SGMS2: variants seen among roughly 807,000 people sequenced by gnomAD.
The protein encoded by SGMS2 is phosphatidylcholine:ceramide cholinephosphotransferase 2.
SGMS2 carries 21 observed loss-of-function variants against 43.8 expected under a neutral mutation model. The observed-to-expected ratio is 0.48, with a 90% CI of 0.34 to 0.69. The LOEUF is 0.69. Ranked by LOEUF, SGMS2 falls within the 30% of genes least tolerant of loss-of-function variation. The pLI, the probability that SGMS2 is intolerant of heterozygous loss-of-function variation, is 0.01. For missense variants in SGMS2, 384 were observed against 443.2 expected (o/e 0.87, Z 1.20); for synonymous variants, 167 against 160.6 (o/e 1.04, Z -0.30).
chr4:107,900,036 C>T (rs937235479), intron 4 of SGMS2, among the ~76,000 whole-genome samples: 6 of 151,954 alleles, frequency 3.9e-5, no homozygotes, highest in African/African-American at 7.3e-5. Context: ...TCTTCTGGAG[C>T]TTATATTCTA....
In SGMS2 at chr4:107,895,639, A is replaced by G; in HGVS notation, c.86A>G (p.Glu29Gly). 5 of 1,614,052 alleles carry G rather than the reference A, an allele frequency of 3.1e-6. No individual in the cohort carries two copies. The highest frequency in any genetic ancestry group is 4.2e-6 in the Non-Finnish European group (5 of 1,179,954). ...DPTNTYARPA[E>G]PVEEENKNGN... ...ACGAACACTTATGCAAGACCCGCTG[A>G]ACCTGTTGAAGAAGAAAACAAAAAT... The change falls in exon 3 of 7, where the codon GAA becomes GGA. Residue 29 changes from glutamate (E) to glycine (G), a missense_variant. Transcript: ENST00000690982.
At chr4:107,868,152 A>G (rs1015242000) in intron 2 of SGMS2, among the ~76,000 whole-genome samples, 1 of 152,246 alleles carries the variant, frequency 6.6e-6, no homozygotes, top group Non-Finnish European at 1.5e-5. Context: ...AAGCCACAAT[A>G]TAATAATCAC....
chr4:107,834,587 T>G (rs1726067430), intron 1 of SGMS2, among the ~76,000 whole-genome samples: 1 of 152,212 alleles, frequency 6.6e-6, no homozygotes, highest in African/African-American at 2.4e-5. Flanking sequence ...TGGTATTTTC[T>G]CATTTGCCTA....
At chr4:107,829,154 A>C (rs1725754147) in intron 1 of SGMS2, among the ~76,000 whole-genome samples, 1 of 152,230 alleles carries the variant, frequency 6.6e-6, no homozygotes, top group African/African-American at 2.4e-5. Context: ...CATTTTAAAT[A>C]GGTCACCTGT....
chr4:107,880,808 C>T (rs909333190), intron 2 of SGMS2, among the ~76,000 whole-genome samples: 6 of 147,510 alleles, frequency 4.1e-5, no homozygotes, highest in Non-Finnish European at 5.9e-5. Flanking sequence ...GAGCCAAGAT[C>T]GTGCCACTGC....
chr4:107,874,024 T>C (rs1728733260), intron 2 of SGMS2: 1 of 152,174 alleles, frequency 6.6e-6, no homozygotes, highest in Admixed American at 6.6e-5. Flanking sequence ...ATTTCTCTCT[T>C]CTGATCACCT....
intron 5 of SGMS2, among the ~76,000 whole-genome samples, chr4:107,904,228 A>T (rs969359658): frequency 5.3e-5 from 8 of 152,112 alleles, no homozygotes; most frequent in African/African-American, 1.9e-4. Flanking sequence ...CTTCATATTT[A>T]GTTCCAAGTT....
chr4:107,877,913 C>CTTTTCTTTTTTTTTTTTTTTTTTT (rs1729041526), intron 2 of SGMS2, among the ~76,000 whole-genome samples: 1 of 102,178 alleles, frequency 9.8e-6, no homozygotes, highest in African/African-American at 3.9e-5. Flanking sequence ...TTTTTCTTTT[C>CTTTTCTTTTTTTTTTTTTTTTTTT]TTTTTTTTTT....
intron 1 of SGMS2, among the ~76,000 whole-genome samples, chr4:107,837,840 G>A (rs145678306): frequency 2.2e-4 from 33 of 152,246 alleles, no homozygotes; most frequent in African/African-American, 7.0e-4. Context: ...GATATGATAT[G>A]TGGCATAACA....
intron 1 of SGMS2, among the ~76,000 whole-genome samples, chr4:107,844,212 T>G (rs1201684825): frequency 6.6e-6 from 1 of 151,940 alleles, no homozygotes; most frequent in African/African-American, 2.4e-5. Context: ...TAGTCCCAGC[T>G]ACTTGGGAGG....
At chr4:107,893,846 C>T (rs946545410) in intron 2 of SGMS2, among the ~76,000 whole-genome samples, 1 of 152,188 alleles carries the variant, frequency 6.6e-6, no homozygotes, top group Admixed American at 6.5e-5. Context: ...TAGTGATCAG[C>T]TCATCCCTCT....
intron 2 of SGMS2, among the ~76,000 whole-genome samples, chr4:107,869,141 GAATT>G (rs1485356094): frequency 6.6e-6 from 1 of 152,164 alleles, no homozygotes; most frequent in Non-Finnish European, 1.5e-5. Context: ...TTTTAAAAGG[GAATT>G]TAGGAGAGAG....
intron 2 of SGMS2, 169 bp downstream of exon 2, chr4:107,858,722 C>T (rs1450377575): frequency 6.6e-6 from 1 of 152,210 alleles, no homozygotes; most frequent in African/African-American, 2.4e-5. Flanking sequence ...TGTCGTAACT[C>T]TGAGAATTTT....
At chr4:107,881,978 TG>T (rs1428789695) in intron 2 of SGMS2, among the ~76,000 whole-genome samples, 1 of 152,226 alleles carries the variant, frequency 6.6e-6, no homozygotes, top group Non-Finnish European at 1.5e-5. Flanking sequence ...TACTCTGTTG[TG>T]TATATGTACT....
At chr4:107,886,756 T>G (rs1251632192) in intron 2 of SGMS2, 1 of 152,194 alleles carries the variant, frequency 6.6e-6, no homozygotes, top group Non-Finnish European at 1.5e-5. Context: ...AAGTCAAGTT[T>G]GATTCTTTAA....
intron 2 of SGMS2, among the ~76,000 whole-genome samples, chr4:107,860,258 C>T (rs138065925): frequency 5.3e-5 from 8 of 151,998 alleles, no homozygotes; most frequent in African/African-American, 1.9e-4. Flanking sequence ...TACTAAGACA[C>T]TTTCCTCATT....
chr4:107,848,846 T>C (rs1448946765), intron 1 of SGMS2, among the ~76,000 whole-genome samples: 1 of 152,184 alleles, frequency 6.6e-6, no homozygotes, highest in Admixed American at 6.5e-5. Flanking sequence ...TCCTAGTCAA[T>C]GACTTGTCTT....
At chr4:107,876,474 A>T (rs975278511) in intron 2 of SGMS2, among the ~76,000 whole-genome samples, 1 of 152,226 alleles carries the variant, frequency 6.6e-6, no homozygotes, top group Admixed American at 6.5e-5. Flanking sequence ...CAGAGAGGTA[A>T]TATCTCTTCC....
intron 3 of SGMS2, among the ~76,000 whole-genome samples, chr4:107,898,874 T>G (rs1318796943): frequency 6.6e-6 from 1 of 152,220 alleles, no homozygotes; most frequent in Admixed American, 6.5e-5. Context: ...TTGTGGGATT[T>G]TTTTATCCTT....
Sources: allele counts gnomAD v4.1 joint callset (sites outside exome capture counted in the v4.1 genomes callset), GRCh38; gene constraint gnomAD v4.1.1; transcripts MANE v1.5; gene names NCBI Gene and HGNC (gene_info 2026-07-23, HGNC 2026-07-21).